The following GREM2 variants were observed in gnomAD, a reference collection of about 807,000 sequenced individuals.
GREM2 encodes the protein gremlin-2.
GREM2 carries 11 observed loss-of-function variants against 14.2 expected under a neutral mutation model. The ratio of observed to expected loss-of-function variants is 0.78; its 90% confidence interval spans 0.49 to 1.28. The LOEUF (loss-of-function observed/expected upper bound fraction) is 1.28. Among genes scored for constraint, GREM2 ranks in the 50% most tolerant of loss-of-function variants. GREM2 has a pLI of 0.00. For synonymous variants in GREM2, 98 were observed against 97.6 expected (o/e 1.00, Z -0.02); for missense variants, 210 against 218.5 (o/e 0.96, Z 0.24).
At chr1:240,533,449 A>G (rs1362557345) in intron 1 of GREM2, among the ~76,000 whole-genome samples, 1 of 152,246 alleles carries the variant, frequency 6.6e-6, no homozygotes, top group Non-Finnish European at 1.5e-5. Flanking sequence ...AGCCCTTGGT[A>G]TCTCATGCTA....
intron 1 of GREM2, among the ~76,000 whole-genome samples, chr1:240,580,974 C>T (rs115578834): frequency 0.024 from 3,585 of 152,122 alleles, 105 homozygotes; most frequent in African/African-American, 0.063. Context: ...AACTCAGCCG[C>T]GCCAGTGGCT....
intron 1 of GREM2, among the ~76,000 whole-genome samples, chr1:240,532,085 T>C (rs1678374751): frequency 6.6e-6 from 1 of 151,754 alleles, no homozygotes; most frequent in Non-Finnish European, 1.5e-5. Context: ...ATTATTATTA[T>C]TATTATTTTA....
At chr1:240,515,425 C>T (rs1260596326) in intron 1 of GREM2, among the ~76,000 whole-genome samples, 1 of 152,158 alleles carries the variant, frequency 6.6e-6, no homozygotes, top group Non-Finnish European at 1.5e-5. Context: ...GTGTTACTTT[C>T]TCCCCCTTTA....
At chr1:240,582,265 G>C (rs558878695) in intron 1 of GREM2, among the ~76,000 whole-genome samples, 1 of 151,692 alleles carries the variant, frequency 6.6e-6, no homozygotes, top group Non-Finnish European at 1.5e-5. Context: ...GTGAAACCCC[G>C]TCTCTACTAA....
At chr1:240,583,200 C>A (rs919353835) in intron 1 of GREM2, among the ~76,000 whole-genome samples, 1 of 152,088 alleles carries the variant, frequency 6.6e-6, no homozygotes, top group African/African-American at 2.4e-5. Context: ...TCGAAATAAT[C>A]CTTACTTGCA....
intron 1 of GREM2, among the ~76,000 whole-genome samples, chr1:240,525,105 A>C (rs181294451): frequency 6.6e-6 from 1 of 152,188 alleles, no homozygotes; most frequent in Non-Finnish European, 1.5e-5. Flanking sequence ...ACTGGTACTC[A>C]CTTCCTTTCT....
intron 1 of GREM2, among the ~76,000 whole-genome samples, chr1:240,497,517 A>G (rs1447875628): frequency 2.0e-5 from 3 of 152,076 alleles, no homozygotes; most frequent in African/African-American, 7.2e-5. Flanking sequence ...GTCACAAGTA[A>G]GTGGGTCCCT....
chr1:240,530,180 G>T (rs1182361707), intron 1 of GREM2, among the ~76,000 whole-genome samples: 1 of 152,030 alleles, frequency 6.6e-6, no homozygotes, highest in Admixed American at 6.6e-5. Context: ...AGTCAACCAG[G>T]GTTAAAAAGA....
At chr1:240,563,898 A>G (rs1679120992) in intron 1 of GREM2, among the ~76,000 whole-genome samples, 1 of 152,122 alleles carries the variant, frequency 6.6e-6, no homozygotes, top group South Asian at 2.1e-4. Flanking sequence ...TGAGTGCCCA[A>G]TGTTGAGGTT....
At chr1:240,608,213 A>C (rs1360337185) in intron 1 of GREM2, among the ~76,000 whole-genome samples, 1 of 152,238 alleles carries the variant, frequency 6.6e-6, no homozygotes, top group African/African-American at 2.4e-5. Flanking sequence ...TGTCTACTCT[A>C]ATCTGGCACA....
At chr1:240,595,084 A>G (rs911160609) in intron 1 of GREM2, among the ~76,000 whole-genome samples, 2 of 152,200 alleles carry the variant, frequency 1.3e-5, no homozygotes, top group African/African-American at 4.8e-5. Context: ...GAGTTAGCCC[A>G]TATAAAAAAA....
intron 1 of GREM2, among the ~76,000 whole-genome samples, chr1:240,527,908 G>A (rs1194569699): frequency 2.0e-5 from 3 of 152,150 alleles, no homozygotes; most frequent in South Asian, 2.1e-4. Context: ...TGGCCTCATG[G>A]TTGTGTCCTG....
intron 1 of GREM2, among the ~76,000 whole-genome samples, chr1:240,551,327 G>T (rs1440914801): frequency 7.0e-6 from 1 of 143,800 alleles, no homozygotes; most frequent in African/African-American, 2.7e-5. Context: ...AGTATAATAG[G>T]TTTACCTTGT....
Position 240,516,360 on chromosome 1 carries a change from G to T in GREM2, c.-1-22884C>A, listed in dbSNP as rs766537655. 7.0e-4 allele frequency among the ~76,000 whole-genome samples: 107 copies of T among 152,184 alleles called. 2 individuals carry two copies. Among genetic ancestry groups the T allele is most frequent in the Non-Finnish European group, 1.2e-3 (85 of 68,012 alleles). Reference sequence around the variant, plus strand: ...TGAGTAACTGTGTAACTGATTAATAGATTTGATGTTGAAAATCCAGTCTGT... The same window carrying T: ...TGAGTAACTGTGTAACTGATTAATATATTTGATGTTGAAAATCCAGTCTGT... On this transcript the variant is annotated intron_variant, in intron 1 of 1. Coordinates refer to ENST00000318160, the MANE Select transcript of GREM2 (RefSeq NM_022469.4).
chr1:240,594,254 C>T (rs1011803440), intron 1 of GREM2, among the ~76,000 whole-genome samples: 8 of 152,096 alleles, frequency 5.3e-5, no homozygotes, highest in Non-Finnish European at 7.4e-5. Context: ...CCACTGCTCC[C>T]GGCCTCATCC....
chr1:240,605,609 A>T (rs376479215), intron 1 of GREM2, among the ~76,000 whole-genome samples: 89 of 152,134 alleles, frequency 5.9e-4, no homozygotes, highest in African/African-American at 2.1e-3. Flanking sequence ...ACTCTCCTGC[A>T]TCTCCTAAAT....
intron 1 of GREM2, among the ~76,000 whole-genome samples, chr1:240,568,267 T>C (rs982070930): frequency 6.6e-6 from 1 of 152,146 alleles, no homozygotes; most frequent in East Asian, 1.9e-4. Flanking sequence ...TGCTTGAAGG[T>C]AGTCTGTAAT....
chr1:240,525,512 T>A (rs1270020100), intron 1 of GREM2, among the ~76,000 whole-genome samples: 3 of 151,962 alleles, frequency 2.0e-5, no homozygotes, highest in Admixed American at 6.6e-5. Context: ...TTTTTTTTTT[T>A]AAACAGAGTG....
intron 1 of GREM2, among the ~76,000 whole-genome samples, chr1:240,584,567 A>G (rs1679554547): frequency 6.6e-6 from 1 of 151,778 alleles, no homozygotes; most frequent in Admixed American, 6.6e-5. Flanking sequence ...AGCTGGGCAT[A>G]GTGGCGTGCA....
Sources: allele counts gnomAD v4.1 joint callset (sites outside exome capture counted in the v4.1 genomes callset), GRCh38; gene constraint gnomAD v4.1.1; transcripts MANE v1.5; gene names NCBI Gene and HGNC (gene_info 2026-07-23, HGNC 2026-07-21).